KCNAB1: variants seen among roughly 807,000 people sequenced by gnomAD.
KCNAB1 encodes the protein potassium voltage-gated channel subfamily A regulatory beta subunit 1.
KCNAB1 carries 35 observed loss-of-function variants against 64.6 expected under a neutral mutation model. The ratio of observed to expected loss-of-function variants is 0.54; its 90% CI spans 0.41 to 0.72. The LOEUF (loss-of-function observed/expected upper bound fraction) is 0.72, where lower values mean the gene tolerates loss of function less well. Among genes scored for constraint, KCNAB1 ranks in the 30% least tolerant of loss-of-function variants. KCNAB1 has a pLI of 0.00. For synonymous variants in KCNAB1, 177 were observed against 183.8 expected, an observed-to-expected ratio of 0.96 and a Z score of 0.30; for missense variants, 401 against 512.9, an observed-to-expected ratio of 0.78 and a Z score of 2.11.
chr3:156,287,378 G>A (rs976359164), intron 1 of KCNAB1, among the ~76,000 whole-genome samples: 7 of 151,222 alleles, frequency 4.6e-5, no homozygotes, highest in Non-Finnish European at 8.8e-5. Flanking sequence ...ACTACCCCAG[G>A]GCGTCCACAA....
At chr3:156,447,776 A>C (rs1161630396) in intron 2 of KCNAB1, among the ~76,000 whole-genome samples, 1 of 152,214 alleles carries the variant, frequency 6.6e-6, no homozygotes, top group Non-Finnish European at 1.5e-5. Context: ...AAGAGAAAAA[A>C]AGACAATGAA....
rs1714869136 is a variant in KCNAB1 at position 156,482,176 on chromosome 3, T to C, written c.658+7356T>C. On this transcript the variant is annotated intron_variant, in intron 8 of 13. Coordinates refer to ENST00000490337, the MANE Select transcript of KCNAB1 (RefSeq NM_172160.3). ...AAACTCTTTATGCCCTTTAAGCTGA[T>C]TTAATCATAAATTTTCCAGGGTTAA... Among the ~76,000 whole-genome samples the C allele has an allele frequency of 2.0e-5, 3 of 152,184 alleles. No individual in the cohort carries two copies. The South Asian group carries it at 6.2e-4, about 32-fold the overall frequency.
chr3:156,484,745 CG>C lies in KCNAB1; in HGVS notation c.658+9929del, dbSNP rs544426703. 1.3e-3 allele frequency among the ~76,000 whole-genome samples: 192 copies of C among 152,052 alleles called. 4 individuals are homozygous for C. In the Middle Eastern group the frequency reaches 0.02, roughly 16 times the overall value. On this transcript the variant is annotated intron_variant, in intron 8 of 13. Transcript: ENST00000490337. ...GGGTAATCGAAAATTCTCAGACAGC[CG>C]GGGATAAACAAATACCCTCGAGTCT...
At chr3:156,185,707 A>G (rs747686115) in intron 1 of KCNAB1, among the ~76,000 whole-genome samples, 5 of 152,204 alleles carry the variant, frequency 3.3e-5, no homozygotes, top group Non-Finnish European at 7.3e-5. Flanking sequence ...GATTTCCCTC[A>G]GCCCCAACTT....
At chr3:156,378,188 A>G (rs1711856809) in intron 1 of KCNAB1, among the ~76,000 whole-genome samples, 2 of 152,158 alleles carry the variant, frequency 1.3e-5, no homozygotes, top group African/African-American at 4.8e-5. Flanking sequence ...GCTCTTCATC[A>G]TTAGAATGCT....
chr3:156,151,983 G>A (rs1269982115), intron 1 of KCNAB1, among the ~76,000 whole-genome samples: 1 of 152,188 alleles, frequency 6.6e-6, no homozygotes, highest in African/African-American at 2.4e-5. Flanking sequence ...CTAATTGCAA[G>A]TCCGCCTTGG....
intron 1 of KCNAB1, among the ~76,000 whole-genome samples, chr3:156,246,784 CTG>C (rs1422707016): frequency 2.0e-5 from 3 of 152,072 alleles, no homozygotes; most frequent in Non-Finnish European, 4.4e-5. Flanking sequence ...TGTGAGATAA[CTG>C]TGGTTTCATC....
At chr3:156,196,191 A>G (rs944764024) in intron 1 of KCNAB1, among the ~76,000 whole-genome samples, 2 of 152,080 alleles carry the variant, frequency 1.3e-5, no homozygotes, top group African/African-American at 4.8e-5. Context: ...TACCATTACC[A>G]TGCTGTTTTT....
At chr3:156,397,034 G>A (rs143444144) in intron 1 of KCNAB1, among the ~76,000 whole-genome samples, 2 of 152,338 alleles carry the variant, frequency 1.3e-5, no homozygotes, top group East Asian at 3.9e-4. Context: ...TTGGACTGAG[G>A]AGTAGTAATT....
At chr3:156,207,370 A>C (rs1366310056) in intron 1 of KCNAB1, among the ~76,000 whole-genome samples, 1 of 152,218 alleles carries the variant, frequency 6.6e-6, no homozygotes, top group Admixed American at 6.5e-5. Flanking sequence ...AATGGGCTCT[A>C]GGCAGCCTAC....
chr3:156,373,216 C>T (rs1335552493), intron 1 of KCNAB1, among the ~76,000 whole-genome samples: 2 of 152,204 alleles, frequency 1.3e-5, no homozygotes, highest in African/African-American at 4.8e-5. Context: ...TTCATCCCAA[C>T]ACAACAGGGC....
chr3:156,321,246 G>C (rs1168211010), intron 1 of KCNAB1, among the ~76,000 whole-genome samples: 1 of 152,160 alleles, frequency 6.6e-6, no homozygotes, highest in Non-Finnish European at 1.5e-5. Context: ...TGAATTCCCT[G>C]TCTCAAGAAT....
intron 10 of KCNAB1, among the ~76,000 whole-genome samples, chr3:156,515,961 C>T (rs1482685265): frequency 6.6e-6 from 1 of 151,990 alleles, no homozygotes; most frequent in Non-Finnish European, 1.5e-5. Flanking sequence ...TGCTGTGTAC[C>T]AGGCACTATG....
At chr3:156,410,656 G>T (rs1000734196) in intron 1 of KCNAB1, among the ~76,000 whole-genome samples, 1 of 152,108 alleles carries the variant, frequency 6.6e-6, no homozygotes, top group Non-Finnish European at 1.5e-5. Flanking sequence ...CCAAATCCTG[G>T]TAACTACACA....
chr3:156,510,700 G>A (rs993801707), intron 8 of KCNAB1, among the ~76,000 whole-genome samples: 1 of 152,174 alleles, frequency 6.6e-6, no homozygotes, highest in African/African-American at 2.4e-5. Flanking sequence ...CTTTTCTCAT[G>A]GTCTGCAGTG....
At chr3:156,297,408 C>T (rs1315840325) in intron 1 of KCNAB1, among the ~76,000 whole-genome samples, 1 of 150,764 alleles carries the variant, frequency 6.6e-6, no homozygotes, top group Admixed American at 6.6e-5. Context: ...ATGGAGGGAC[C>T]AGTAAGGATT....
At chr3:156,177,640 G>C (rs995643884) in intron 1 of KCNAB1, among the ~76,000 whole-genome samples, 4 of 152,030 alleles carry the variant, frequency 2.6e-5, no homozygotes, top group African/African-American at 7.3e-5. Context: ...GCCTCCCAAA[G>C]TGCTGGGATT....
intron 2 of KCNAB1, among the ~76,000 whole-genome samples, chr3:156,445,343 C>T (rs1031849976): frequency 6.6e-6 from 1 of 152,054 alleles, no homozygotes; most frequent in Admixed American, 6.6e-5. Flanking sequence ...TGAGATGCTA[C>T]CGGTATGAGA....
intron 13 of KCNAB1, 63 bp from the exon 14 acceptor site, chr3:156,536,595 C>A: frequency 1.8e-6 from 2 of 1,132,130 alleles, no homozygotes; most frequent in Non-Finnish European, 2.7e-6. Flanking sequence ...AAATATAGAG[C>A]ACAAAAAACC....
Sources: allele counts gnomAD v4.1 joint callset (sites outside exome capture counted in the v4.1 genomes callset), GRCh38; gene constraint gnomAD v4.1.1; transcripts MANE v1.5; gene names NCBI Gene and HGNC (gene_info 2026-07-23, HGNC 2026-07-21).